Variants in PCDH15 observed in about 807,000 individuals in gnomAD.
The protein encoded by PCDH15 is protocadherin related 15, also known as protocadherin-15.
Under a neutral mutation model 178.5 loss-of-function variants are expected in PCDH15, and 129 were observed. That is an observed-to-expected ratio of 0.72 (90% CI 0.63 to 0.84). PCDH15 has a LOEUF of 0.84. Among genes scored for constraint, PCDH15 ranks in the 40% least tolerant of loss-of-function variants. PCDH15 has a pLI of 0.00. For missense variants in PCDH15, 2,230 were observed against 2,099.9 expected (o/e 1.06, Z -1.21); for synonymous variants, 800 against 732.0 (o/e 1.09, Z -1.50).
chr10:54,321,675 C>T (rs1012429086), intron 7 of PCDH15, among the ~76,000 whole-genome samples: 2 of 151,868 alleles, frequency 1.3e-5, no homozygotes, highest in South Asian at 4.1e-4. Flanking sequence ...ATTGTCACTA[C>T]TCCATAGAAT....
At chr10:55,278,691 T>G (rs745473085) in intron 1 of PCDH15, among the ~76,000 whole-genome samples, 6 of 152,368 alleles carry the variant, frequency 3.9e-5, no homozygotes, top group African/African-American at 7.2e-5. Context: ...TGGATGGTTC[T>G]TATTTGAAAT....
At chr10:54,575,567 G>T (rs879924518) in intron 2 of PCDH15, among the ~76,000 whole-genome samples, 9 of 151,984 alleles carry the variant, frequency 5.9e-5, no homozygotes, top group Admixed American at 3.9e-4. Context: ...ATATCAGAAT[G>T]ATATCTAGAT....
chr10:54,598,467 T>C (rs1216053663), intron 2 of PCDH15, among the ~76,000 whole-genome samples: 1 of 152,064 alleles, frequency 6.6e-6, no homozygotes, highest in Admixed American at 6.6e-5. Context: ...ATTGAAGGAA[T>C]ATACCTCAAA....
intron 2 of PCDH15, among the ~76,000 whole-genome samples, chr10:55,033,218 A>T (rs1840654156): frequency 6.6e-6 from 1 of 152,178 alleles, no homozygotes; most frequent in Admixed American, 6.5e-5. Context: ...GCAGGGGGAC[A>T]GCTACATCAC....
chr10:54,317,234 C>A (rs1249242738), intron 8 of PCDH15, 37 bp downstream of exon 8: 1 of 1,599,056 alleles, frequency 6.3e-7, no homozygotes, highest in Non-Finnish European at 8.6e-7. Flanking sequence ...GGTTTTAAAA[C>A]ATGCAAATAA....
At chr10:53,928,984 A>AG (rs2084810044) in intron 25 of PCDH15, among the ~76,000 whole-genome samples, 1 of 152,064 alleles carries the variant, frequency 6.6e-6, no homozygotes, top group Non-Finnish European at 1.5e-5. Context: ...TATTTTATGC[A>AG]TTCCTAGATT....
chr10:55,228,797 T>C (rs1289550861), intron 1 of PCDH15, among the ~76,000 whole-genome samples: 4 of 151,966 alleles, frequency 2.6e-5, no homozygotes, highest in Admixed American at 1.3e-4. Flanking sequence ...TTTAAACCTC[T>C]CCTGATCTAG....
chr10:54,752,476 C>CAAAAAAAA (rs755874514), intron 1 of PCDH15, among the ~76,000 whole-genome samples: 18 of 89,768 alleles, frequency 2.0e-4, no homozygotes, highest in Middle Eastern at 7.2e-3. Context: ...GACTCCGTCT[C>CAAAAAAAA]AAAAAAAAAA....
chr10:54,183,326 C>A lies in PCDH15; in HGVS notation c.1590+118G>T, dbSNP rs544025383. 7.3e-5 allele frequency: 73 copies of A among 1,004,670 alleles called. 1 individual carries two copies. In the South Asian group the frequency reaches 9.0e-4, roughly 12 times the overall value. 62.2% of individuals were successfully genotyped at this position (1,004,670 alleles called of 1,614,324 possible). A position where few individuals can be genotyped will look rare whatever the true frequency, so the allele number is the denominator to read the frequency against. ...TTTAAAGCTATTTAAACTAATTATG[C>A]TATACAATAAGTGTGAAATCAATTT... On this transcript the variant is annotated intron_variant, in intron 13 of 37. Coordinates refer to ENST00000644397, the MANE Select transcript of PCDH15 (RefSeq NM_001384140.1).
intron 21 of PCDH15, among the ~76,000 whole-genome samples, chr10:53,968,794 C>T (rs2089338752): frequency 6.6e-6 from 1 of 152,174 alleles, no homozygotes; most frequent in Non-Finnish European, 1.5e-5. Context: ...ACGGTCCTGA[C>T]TGTTAGAACG....
At chr10:54,344,920 A>AC (rs1565027887) in intron 6 of PCDH15, among the ~76,000 whole-genome samples, 79 of 145,244 alleles carry the variant, frequency 5.4e-4, no homozygotes, top group African/African-American at 1.9e-3. Flanking sequence ...AAAAAAAAAA[A>AC]AAAAAACAAG....
chr10:54,600,872 T>C (rs1260438884), intron 2 of PCDH15, among the ~76,000 whole-genome samples: 3 of 151,972 alleles, frequency 2.0e-5, no homozygotes, highest in Non-Finnish European at 2.9e-5. Context: ...AAATGCATGA[T>C]ACTGTATGTA....
chr10:54,104,426 G>C (rs575610604), intron 15 of PCDH15, among the ~76,000 whole-genome samples: 1 of 152,248 alleles, frequency 6.6e-6, no homozygotes, highest in East Asian at 1.9e-4. Context: ...AGCATGATAA[G>C]AGTTTGTGTC....
upstream of PCDH15, among the ~76,000 whole-genome samples, chr10:54,802,251 C>G (rs2133714624): frequency 6.6e-6 from 1 of 152,286 alleles, no homozygotes; most frequent in East Asian, 1.9e-4. Context: ...CGTATTTATG[C>G]ACAAGCATTT....
At chr10:54,862,649 G>T (rs1291885295) in intron 3 of PCDH15, among the ~76,000 whole-genome samples, 1 of 152,138 alleles carries the variant, frequency 6.6e-6, no homozygotes. Flanking sequence ...AGTAGATTCT[G>T]ACTCTTTCAG....
At chr10:55,374,594 T>C (rs187918464) in intron 2 of PCDH15, among the ~76,000 whole-genome samples, 42 of 152,140 alleles carry the variant, frequency 2.8e-4, no homozygotes, top group African/African-American at 9.9e-4. Flanking sequence ...AAGTGCAGCT[T>C]TAAATCGGCA....
chr10:54,899,800 TTA>T (rs1564615064), intron 2 of PCDH15, among the ~76,000 whole-genome samples: 1 of 152,100 alleles, frequency 6.6e-6, no homozygotes, highest in African/African-American at 2.4e-5. Flanking sequence ...CGACCAAAGA[TTA>T]TATCTTTCTA....
At chr10:54,846,684 T>C (rs929195580) in intron 3 of PCDH15, among the ~76,000 whole-genome samples, 6 of 152,174 alleles carry the variant, frequency 3.9e-5, no homozygotes, top group African/African-American at 7.2e-5. Flanking sequence ...TGTGCAAGGA[T>C]ATATTGTCAC....
intron 2 of PCDH15, among the ~76,000 whole-genome samples, chr10:55,126,847 C>T (rs1837912715): frequency 6.6e-6 from 1 of 151,852 alleles, no homozygotes; most frequent in Admixed American, 6.6e-5. Context: ...GTATATCTAT[C>T]CAGTGTAGTT....
Sources: allele counts gnomAD v4.1 joint callset (sites outside exome capture counted in the v4.1 genomes callset), GRCh38; gene constraint gnomAD v4.1.1; transcripts MANE v1.5; gene names NCBI Gene and HGNC (gene_info 2026-07-23, HGNC 2026-07-21).